THSD7B: variants seen among roughly 807,000 people sequenced by gnomAD.
THSD7B encodes thrombospondin type-1 domain-containing protein 7B.
A neutral mutation model predicts 213.6 loss-of-function variants in THSD7B; 138 were observed. The observed-to-expected ratio is 0.65, with a 90% confidence interval of 0.56 to 0.74. THSD7B has a LOEUF of 0.74. THSD7B is among the 30% of genes least tolerant of loss of function. The probability of loss-of-function intolerance (pLI) is 0.00; values close to 1 mark genes in which losing one functional copy is unlikely to be tolerated. For missense variants in THSD7B, 1,931 were observed against 1,991.5 expected, an observed-to-expected ratio of 0.97 and a Z score of 0.58; for synonymous variants, 742 against 687.0, an observed-to-expected ratio of 1.08 and a Z score of -1.25.
intron 12 of THSD7B, among the ~76,000 whole-genome samples, chr2:137,308,665 T>C (rs1683814985): frequency 6.6e-6 from 1 of 152,064 alleles, no homozygotes; most frequent in Non-Finnish European, 1.5e-5. Flanking sequence ...TATATGTTTT[T>C]GAAAAAAATC....
intron 3 of THSD7B, among the ~76,000 whole-genome samples, chr2:137,065,557 T>A (rs1407939587): frequency 6.6e-6 from 1 of 152,098 alleles, no homozygotes; most frequent in Non-Finnish European, 1.5e-5. Flanking sequence ...GGCAGTGGGC[T>A]TCCTTGTTGT....
intron 15 of THSD7B, among the ~76,000 whole-genome samples, chr2:137,536,053 ACTCT>A (rs1680499604): frequency 6.7e-6 from 1 of 149,648 alleles, no homozygotes; most frequent in South Asian, 2.1e-4. Context: ...TATGTGAGTC[ACTCT>A]CCTACTCAAA....
intron 20 of THSD7B, 93 bp downstream of exon 20, chr2:137,620,819 C>T: frequency 9.6e-7 from 1 of 1,040,898 alleles, no homozygotes; most frequent in Non-Finnish European, 1.4e-6. Flanking sequence ...AGGTATGGGA[C>T]CCAGCTGAAG....
chr2:137,518,829 A>T (rs1394476257), intron 15 of THSD7B, among the ~76,000 whole-genome samples: 2 of 152,222 alleles, frequency 1.3e-5, no homozygotes, highest in East Asian at 3.9e-4. Context: ...TGCCAGCAGC[A>T]TAAACCAACA....
intron 2 of THSD7B, among the ~76,000 whole-genome samples, chr2:136,986,515 A>G (rs1031259532): frequency 6.6e-6 from 1 of 152,222 alleles, no homozygotes; most frequent in Non-Finnish European, 1.5e-5. Flanking sequence ...TACAGCCTGC[A>G]GAACCAAGAA....
At chr2:137,399,486 C>T (rs79219735) in intron 12 of THSD7B, among the ~76,000 whole-genome samples, 23 of 152,130 alleles carry the variant, frequency 1.5e-4, no homozygotes, top group African/African-American at 5.3e-4. Flanking sequence ...AGGCATAACA[C>T]TCAGCCTCTT....
chr2:136,778,122 A>C (rs962627092), intron 1 of THSD7B, among the ~76,000 whole-genome samples: 16 of 152,142 alleles, frequency 1.1e-4, no homozygotes, highest in African/African-American at 3.9e-4. Flanking sequence ...GAACACCTAC[A>C]ACCCTCTGTC....
chr2:137,063,602 G>A (rs1190474148), intron 3 of THSD7B, among the ~76,000 whole-genome samples: 1 of 151,844 alleles, frequency 6.6e-6, no homozygotes. Context: ...TGTTTTGCTA[G>A]CAAATACTAG....
chr2:137,168,721 A>C (rs1680181568), intron 6 of THSD7B, among the ~76,000 whole-genome samples: 1 of 152,222 alleles, frequency 6.6e-6, no homozygotes, highest in Admixed American at 6.5e-5. Context: ...AACAGTGTAA[A>C]TCATGGTGAC....
chr2:137,519,748 G>A (rs561785653), intron 15 of THSD7B, among the ~76,000 whole-genome samples: 3 of 152,284 alleles, frequency 2.0e-5, no homozygotes, highest in African/African-American at 7.2e-5. Flanking sequence ...TAAAGCATCT[G>A]TCATCAGGTA....
At chr2:137,298,806 G>C (rs547688327) in intron 12 of THSD7B, among the ~76,000 whole-genome samples, 4 of 152,290 alleles carry the variant, frequency 2.6e-5, no homozygotes, top group South Asian at 2.1e-4. Flanking sequence ...GGAAACCTCT[G>C]CCTAGATTTC....
intron 15 of THSD7B, among the ~76,000 whole-genome samples, chr2:137,561,723 T>G (rs1681124084): frequency 6.6e-6 from 1 of 152,134 alleles, no homozygotes; most frequent in African/African-American, 2.4e-5. Context: ...CTATGACTGT[T>G]ATGGGAAAGA....
intron 2 of THSD7B, among the ~76,000 whole-genome samples, chr2:136,996,291 G>GTCTCTC (rs70975734): frequency 0.51 from 76,496 of 151,176 alleles, 20,981 homozygotes; most frequent in African/African-American, 0.71. Context: ...AGTCAGACTG[G>GTCTCTC]TCTCTCTCTC....
At chr2:136,810,211 A>G (rs2104929398) in intron 1 of THSD7B, among the ~76,000 whole-genome samples, 1 of 152,262 alleles carries the variant, frequency 6.6e-6, no homozygotes, top group Non-Finnish European at 1.5e-5. Context: ...TTTCCTGGAA[A>G]GTAGTGCAGC....
At chr2:136,851,625 G>T (rs1451973381) in intron 1 of THSD7B, among the ~76,000 whole-genome samples, 2 of 152,080 alleles carry the variant, frequency 1.3e-5, no homozygotes, top group East Asian at 3.9e-4. Context: ...GGGTGACTTT[G>T]TTCTATTTGC....
intron 15 of THSD7B, among the ~76,000 whole-genome samples, chr2:137,481,203 G>T (rs996696882): frequency 1.3e-5 from 2 of 152,134 alleles, no homozygotes; most frequent in African/African-American, 2.4e-5. Context: ...CAGGTATTTC[G>T]TTATAATAGT....
intron 12 of THSD7B, among the ~76,000 whole-genome samples, chr2:137,364,358 C>A (rs1685353313): frequency 1.3e-5 from 2 of 152,160 alleles, no homozygotes; most frequent in African/African-American, 2.4e-5. Flanking sequence ...CATCTCTCAC[C>A]ACTCCTGTTC....
intron 15 of THSD7B, among the ~76,000 whole-genome samples, chr2:137,539,355 C>G (rs530814733): frequency 6.6e-6 from 1 of 151,728 alleles, no homozygotes; most frequent in East Asian, 2.0e-4. Flanking sequence ...GGATCTCATA[C>G]ACTGGGAAGG....
chr2:137,253,775 A>C (rs754249054), intron 10 of THSD7B, among the ~76,000 whole-genome samples: 3 of 152,196 alleles, frequency 2.0e-5, no homozygotes, highest in Non-Finnish European at 4.4e-5. Context: ...TCTGCAATTA[A>C]AAAGAATAAA....
Sources: allele counts gnomAD v4.1 joint callset (sites outside exome capture counted in the v4.1 genomes callset), GRCh38; gene constraint gnomAD v4.1.1; transcripts MANE v1.5; gene names NCBI Gene and HGNC (gene_info 2026-07-23, HGNC 2026-07-21).